The following SEMA3F variants were observed in gnomAD, a reference collection of about 807,000 sequenced individuals.
The protein encoded by SEMA3F is semaphorin 3F, also known as semaphorin-3F.
SEMA3F carries 30 observed loss-of-function variants against 98.5 expected under a neutral mutation model. The observed-to-expected ratio is 0.30, with a 90% CI of 0.23 to 0.41. SEMA3F has a LOEUF of 0.41. SEMA3F is among the 10% of genes least tolerant of loss of function. The pLI, the probability that SEMA3F is intolerant of heterozygous loss-of-function variation, is 1.00. For missense variants in SEMA3F, 866 were observed against 1,119.3 expected (o/e 0.77, Z 3.23); for synonymous variants, 380 against 444.8 (o/e 0.85, Z 1.83).
intron 2 of SEMA3F, among the ~76,000 whole-genome samples, chr3:50,165,603 G>A (rs1210177301): frequency 6.6e-6 from 1 of 152,200 alleles, no homozygotes; most frequent in Admixed American, 6.5e-5. Context: ...GTGCTATCCT[G>A]GGAATCTGAG....
intron 2 of SEMA3F, among the ~76,000 whole-genome samples, chr3:50,172,142 T>C (rs186323246): frequency 1.6e-4 from 24 of 152,156 alleles, no homozygotes; most frequent in Non-Finnish European, 2.8e-4. Flanking sequence ...GCCCCACCTG[T>C]GAAATGGGTT....
chr3:50,164,613 A>G (rs1026568711), intron 2 of SEMA3F, among the ~76,000 whole-genome samples: 3 of 152,134 alleles, frequency 2.0e-5, no homozygotes, highest in African/African-American at 7.2e-5. Flanking sequence ...AGAAGTGGTG[A>G]TGGTGGTGGC....
chr3:50,176,094 G>A (rs535367102), intron 6 of SEMA3F, among the ~76,000 whole-genome samples: 2 of 152,252 alleles, frequency 1.3e-5, no homozygotes, highest in Admixed American at 1.3e-4. Flanking sequence ...TGCAGGCTGG[G>A]CTGGGAGGCA....
In SEMA3F at chr3:50,158,296, G is replaced by A. The variant is rs1484386547; in HGVS notation, c.-48-1279G>A. On this transcript the variant is annotated intron_variant, in intron 1 of 18. Coordinates refer to ENST00000002829, the MANE Select transcript of SEMA3F (RefSeq NM_004186.5). This position sits in a 1 kb window ranked among gnomAD's most constrained non-coding sequence, Gnocchi z 4.8. ...ACCATGAGCGGTGTGCCAGGCCCTC[G>A]GGAGAGAACATTCACACAGAGGGTA... 6.6e-6 allele frequency among the ~76,000 whole-genome samples: 1 copy of A among 152,236 alleles called. No homozygotes were observed. The highest frequency in any genetic ancestry group is 1.9e-4 in the East Asian group (1 of 5,200).
intron 1 of SEMA3F, 134 bp from the exon 2 acceptor site, chr3:50,159,441 G>A: frequency 1.7e-6 from 1 of 572,684 alleles, no homozygotes; most frequent in East Asian, 3.1e-5. Context: ...CATGAGGTGT[G>A]CACACAGGGG....
At chr3:50,181,264 C>T (rs1436862864) in intron 7 of SEMA3F, among the ~76,000 whole-genome samples, 1 of 151,916 alleles carries the variant, frequency 6.6e-6, no homozygotes, top group African/African-American at 2.4e-5. Context: ...CTAATTCTTT[C>T]ACTACACTTT....
upstream of SEMA3F, chr3:50,155,083 C>T: frequency 2.5e-6 from 1 of 392,730 alleles, no homozygotes; most frequent in Non-Finnish European, 4.6e-6. This position sits in a 1 kb window ranked among gnomAD's most constrained non-coding sequence, Gnocchi z 4.9. Flanking sequence ...CCGGCGGCCG[C>T]GAGACCAGAG....
chr3:50,156,803 G>A lies in SEMA3F; in HGVS notation c.-49+1239G>A, dbSNP rs753528864. ...AGCAGGGGCCAGAGAGAAGGCGGCA[G>A]CCCACCCAGCCTCAGCCCCTCGCTG... On this transcript the variant is annotated intron_variant, in intron 1 of 18. Transcript: ENST00000002829. This position sits in a 1 kb window ranked among gnomAD's most constrained non-coding sequence, Gnocchi z 4.5. Among the ~76,000 whole-genome samples, 7 of 152,212 alleles carry A rather than the reference G, an allele frequency of 4.6e-5. No individual in the cohort carries two copies. Among genetic ancestry groups the A allele is most frequent in the Non-Finnish European group, 8.8e-5 (6 of 68,034 alleles).
intron 5 of SEMA3F, 45 bp from the exon 6 acceptor site, chr3:50,175,051 G>A: frequency 2.9e-6 from 3 of 1,036,552 alleles, no homozygotes; most frequent in Non-Finnish European, 4.4e-6. Context: ...CGCTCCCCCA[G>A]CCCCTGCCAC....
rs2624833 is a variant in SEMA3F, at chr3:50,175,079, G to C, written c.457-17G>C. The C allele has an allele frequency of 3.0e-5, 47 of 1,586,870 alleles. No homozygotes were observed. The highest frequency in any genetic ancestry group is 3.8e-5 in the Non-Finnish European group (44 of 1,159,680). ...CCTGCCACCCCCAGCTCTAACCCCT[G>C]TTCCTCGTCTTCTCAGGCCACACCA... On this transcript the variant is annotated splice_polypyrimidine_tract_variant and intron_variant, in intron 5 of 18. Transcript: ENST00000002829.
intron 7 of SEMA3F, among the ~76,000 whole-genome samples, chr3:50,179,430 A>G (rs1329441853): frequency 2.0e-5 from 3 of 150,804 alleles, no homozygotes; most frequent in Non-Finnish European, 4.4e-5. Flanking sequence ...GGTTCAAGCG[A>G]TTCTCCTGCC....
Position 50,182,728 on chromosome 3 carries a change from C to A in SEMA3F, c.848C>A (p.Ser283Ter). 1 of 1,613,364 alleles carries A rather than the reference C, an allele frequency of 6.2e-7. No homozygotes were observed. Among genetic ancestry groups the A allele is most frequent in the South Asian group, 1.1e-5 (1 of 91,036 alleles). Residue 283 changes from serine (S) to a stop codon, truncating the protein, a stop_gained, in exon 9 of 19, where the codon TCG becomes TAG. Coordinates refer to ENST00000002829, the MANE Select transcript of SEMA3F (RefSeq NM_004186.5). LOFTEE classifies it high-confidence loss of function. The surrounding 1 kb of genome is among the most constrained non-coding windows in gnomAD (Gnocchi z 4.5). ...CTTTACTTCTTCTTCCGTGAGCGGT[C>A]GGCAGAGGCGCCGCAGAGCCCCGCG... is the stretch of plus-strand genomic sequence containing the variant. Reference protein sequence around the residue: ...DKLYFFFRERSAEAPQSPAVY... With the variant: ...DKLYFFFRER
At chr3:50,184,214 G>A (rs932773821) in intron 12 of SEMA3F, 3 of 277,290 alleles carry the variant, frequency 1.1e-5, no homozygotes, top group Admixed American at 4.9e-5. Context: ...TGAGCCTGGT[G>A]TGTGACAAGG....
chr3:50,157,868 G>C (rs1698053036), intron 1 of SEMA3F, among the ~76,000 whole-genome samples: 1 of 152,200 alleles, frequency 6.6e-6, no homozygotes, highest in Non-Finnish European at 1.5e-5. Context: ...GGGGAGGGGG[G>C]AGGCGGGAGG....
intron 2 of SEMA3F, among the ~76,000 whole-genome samples, chr3:50,169,231 A>G (rs1320282280): frequency 6.6e-6 from 1 of 152,154 alleles, no homozygotes; most frequent in African/African-American, 2.4e-5. Flanking sequence ...ACGCCTCCTC[A>G]GTGCCTGTCC....
intron 2 of SEMA3F, among the ~76,000 whole-genome samples, chr3:50,168,766 G>A (rs1013810755): frequency 1.3e-5 from 2 of 152,110 alleles, no homozygotes; most frequent in African/African-American, 4.8e-5. Context: ...TATCCGGTAG[G>A]GACCACCTGG....
At chr3:50,174,439 C>A in intron 5 of SEMA3F, 89 bp downstream of exon 5, 1 of 1,472,756 alleles carries the variant, frequency 6.8e-7, no homozygotes, top group South Asian at 1.3e-5. Context: ...AGCCCCAGCC[C>A]TGCCACTTCC....
intron 2 of SEMA3F, among the ~76,000 whole-genome samples, chr3:50,167,034 A>G (rs942090323): frequency 2.6e-5 from 4 of 151,916 alleles, no homozygotes; most frequent in Non-Finnish European, 2.9e-5. Flanking sequence ...CATCCCCTTC[A>G]TACTTCTTGG....
intron 2 of SEMA3F, among the ~76,000 whole-genome samples, chr3:50,170,890 C>G (rs570123059): frequency 6.2e-4 from 94 of 152,234 alleles, no homozygotes; most frequent in Non-Finnish European, 1.2e-3. Flanking sequence ...GGAGGGGTCC[C>G]GCAGGTCCTG....
Sources: gnomAD v4.1 joint callset for allele counts (sites outside exome capture counted in the v4.1 genomes callset) on GRCh38, gnomAD v4.1.1 for gene constraint, Gnocchi (gnomAD v3.1) non-coding constraint, MANE v1.5 for transcripts, NCBI Gene and HGNC (gene_info 2026-07-23, HGNC 2026-07-21) for gene names.